BBX: variants seen among roughly 807,000 people sequenced by gnomAD.
BBX encodes BBX high mobility group box domain containing, also known as HMG box transcription factor BBX.
A neutral mutation model predicts 100.2 loss-of-function variants in BBX; 30 were observed. The observed-to-expected ratio is 0.30, with a 90% CI of 0.22 to 0.41. The LOEUF (loss-of-function observed/expected upper bound fraction) is 0.41, where lower values mean the gene tolerates loss of function less well. BBX is among the 10% of genes least tolerant of loss of function. BBX has a pLI of 1.00. For synonymous variants in BBX, 376 were observed against 388.1 expected, an observed-to-expected ratio of 0.97 and a Z score of 0.37; for missense variants, 1,023 against 1,129.8, an observed-to-expected ratio of 0.91 and a Z score of 1.35.
intron 5 of BBX, among the ~76,000 whole-genome samples, chr3:107,717,662 A>G (rs977524428): frequency 2.0e-5 from 3 of 152,130 alleles, no homozygotes; most frequent in African/African-American, 4.8e-5. Context: ...GAAAGGTGGG[A>G]CATTAATCAC....
intron 4 of BBX, chr3:107,711,164 C>G (rs1209228889): frequency 5.8e-6 from 2 of 343,442 alleles, no homozygotes; most frequent in African/African-American, 4.4e-5. Context: ...GAAATCGTCT[C>G]AAGTGTTCGT....
intron 3 of BBX, among the ~76,000 whole-genome samples, chr3:107,706,810 A>G (rs2107264130): frequency 1.3e-5 from 2 of 152,258 alleles, no homozygotes; most frequent in South Asian, 4.1e-4. Context: ...CCTCCTCCTC[A>G]TTGTTGAAGT....
intron 2 of BBX, among the ~76,000 whole-genome samples, chr3:107,568,362 T>A (rs1559821492): frequency 6.6e-6 from 1 of 151,772 alleles, no homozygotes; most frequent in South Asian, 2.1e-4. Context: ...CCTCCCAGAT[T>A]CACGCCATTC....
At chr3:107,627,314 T>G (rs2056251946) in intron 2 of BBX, among the ~76,000 whole-genome samples, 1 of 152,230 alleles carries the variant, frequency 6.6e-6, no homozygotes, top group African/African-American at 2.4e-5. Flanking sequence ...AATTTCTGGC[T>G]GTTTCCCAAA....
At chr3:107,611,345 T>C (rs965464877) in intron 2 of BBX, among the ~76,000 whole-genome samples, 2 of 152,198 alleles carry the variant, frequency 1.3e-5, no homozygotes, top group Non-Finnish European at 2.9e-5. Context: ...TTCCTTCAAA[T>C]GATTTCTTCT....
At chr3:107,600,790 C>A (rs1475640867) in intron 2 of BBX, among the ~76,000 whole-genome samples, 1 of 152,130 alleles carries the variant, frequency 6.6e-6, no homozygotes, top group Non-Finnish European at 1.5e-5. Flanking sequence ...GGGAAGTAAA[C>A]CTAATACAGG....
intron 2 of BBX, among the ~76,000 whole-genome samples, chr3:107,602,166 A>G (rs550353066): frequency 2.0e-4 from 31 of 152,326 alleles, no homozygotes; most frequent in African/African-American, 2.9e-4. Flanking sequence ...CTCATTGACT[A>G]TGTACCTAGT....
chr3:107,704,914 G>A (rs1277735010), intron 3 of BBX, among the ~76,000 whole-genome samples: 4 of 152,134 alleles, frequency 2.6e-5, no homozygotes, highest in South Asian at 2.1e-4. Flanking sequence ...TATTTGACCC[G>A]GGTCTTGGAG....
rs938794341 is a variant in BBX, at chr3:107,716,844, A to G, written c.400A>G (p.Lys134Glu). Residue 134 changes from lysine to glutamate, a missense_variant, in exon 5 of 18, where the codon AAG (lysine) becomes GAG (glutamate). Coordinates refer to ENST00000325805, the MANE Select transcript of BBX (RefSeq NM_001142568.3). ...AAAGCAGAAATACACAGACATGGCC[A>G]AGGAGGTAGGTTACAATGACAAGGT... ...KEKQKYTDMA[K>E]EYKDAFMKAN... 23 of 1,613,076 alleles carry G rather than the reference A, an allele frequency of 1.4e-5. No individual in the cohort carries two copies. Among genetic ancestry groups the G allele is most frequent in the Non-Finnish European group, 1.9e-5 (22 of 1,179,326 alleles).
intron 11 of BBX, among the ~76,000 whole-genome samples, chr3:107,774,510 A>G (rs1184618390): frequency 1.3e-5 from 2 of 152,150 alleles, no homozygotes; most frequent in African/African-American, 4.8e-5. Flanking sequence ...TTACATGACA[A>G]TTAATCCCAG....
At position 107,640,338 on chromosome 3, in the gene BBX, T is replaced by C. The variant is rs1019409086; in HGVS notation, c.-83-5498T>C. Among the ~76,000 whole-genome samples the C allele has an allele frequency of 3.3e-5, 5 of 152,318 alleles. No homozygotes were observed. The East Asian group carries it at 5.8e-4, about 18-fold the overall frequency. ...ACGTGAACCCTGTACTTCAACCAGA[T>C]CTGCTGCATATGCCTCCTATCCCTT... is the stretch of plus-strand genomic sequence containing the variant. On this transcript the variant is annotated intron_variant, in intron 2 of 17. Coordinates refer to ENST00000325805, the MANE Select transcript of BBX (RefSeq NM_001142568.3).
At chr3:107,530,346 C>T (rs1424634408) in intron 2 of BBX, among the ~76,000 whole-genome samples, 1 of 152,070 alleles carries the variant, frequency 6.6e-6, no homozygotes, top group Non-Finnish European at 1.5e-5. Context: ...GATTGTGCCA[C>T]AGCACTCCAG....
chr3:107,605,386 T>TGG (rs1553742657), intron 2 of BBX, among the ~76,000 whole-genome samples: 39 of 149,318 alleles, frequency 2.6e-4, no homozygotes, highest in African/African-American at 9.1e-4. Context: ...TTTTTTTTTT[T>TGG]GGGGGGGGGA....
chr3:107,724,715 T>C (rs1172403261), intron 5 of BBX, among the ~76,000 whole-genome samples: 2 of 152,152 alleles, frequency 1.3e-5, no homozygotes, highest in Non-Finnish European at 2.9e-5. Flanking sequence ...ATCAGATAGT[T>C]GTAGATGTGT....
Position 107,745,183 on chromosome 3 carries a change from T to G in BBX, c.750+473T>G, listed in dbSNP as rs1326699474. Among the ~76,000 whole-genome samples the G allele has an allele frequency of 2.0e-5, 3 of 152,336 alleles. No homozygotes were observed. The East Asian group carries it at 5.8e-4, about 29-fold the overall frequency. On this transcript the variant is annotated intron_variant, in intron 8 of 17. Transcript: ENST00000325805. ...TTTCAAAGTCTTCTTTTGTCAGACT[T>G]GTTCAGCTCAATAGGTCTCTTGACA...
intron 7 of BBX, among the ~76,000 whole-genome samples, chr3:107,741,361 A>G (rs1161480274): frequency 1.3e-5 from 2 of 152,156 alleles, no homozygotes; most frequent in Non-Finnish European, 2.9e-5. Flanking sequence ...AATTATACTA[A>G]TCACTCCCCT....
chr3:107,773,006 A>G lies in BBX; in HGVS notation c.1285A>G (p.Met429Val). 6.2e-7 allele frequency: 1 copy of G among 1,614,160 alleles called. No individual in the cohort carries two copies. The change falls in exon 11 of 18, where the codon ATG (methionine) becomes GTG (valine). Residue 429 changes from methionine to valine, a missense_variant. Physicochemically the swap from Met to Val is conservative, Grantham distance 21 (BLOSUM62 1). Coordinates refer to ENST00000325805, the MANE Select transcript of BBX (RefSeq NM_001142568.3). The surrounding 1 kb of genome is among the most constrained non-coding windows in gnomAD (Gnocchi z 4.1). The part of the protein sequence containing the change: ...ISDVPSRKDH[M>V]CHPHGIMIIE... ...TGATGTTCCCAGTAGAAAGGATCATATGTGCCATCCTCATGGAATTATGAT... is the reference window on the plus strand; with the variant it reads ...TGATGTTCCCAGTAGAAAGGATCATGTGTGCCATCCTCATGGAATTATGAT...
rs937929863 is a variant in BBX at position 107,568,999 on chromosome 3, C to A, written c.-84+42601C>A. Reference sequence around the variant, plus strand: ...TGTGTTGTGGCTGGTTACCTGATTCCTCTGAGCTTCAATTTTCTAGCAAAA... The same window carrying A: ...TGTGTTGTGGCTGGTTACCTGATTCATCTGAGCTTCAATTTTCTAGCAAAA... On this transcript the variant is annotated intron_variant, in intron 2 of 17. Coordinates refer to ENST00000325805, the MANE Select transcript of BBX (RefSeq NM_001142568.3). 2.6e-5 allele frequency among the ~76,000 whole-genome samples: 4 copies of A among 152,290 alleles called. No homozygotes were observed. In the East Asian group the frequency reaches 7.7e-4, roughly 29 times the overall value.
chr3:107,805,342 G>C (rs945304499), intron 17 of BBX, 28 bp from the exon 18 acceptor site: 1 of 1,596,530 alleles, frequency 6.3e-7, no homozygotes, highest in Admixed American at 1.7e-5. Flanking sequence ...TGCTGAATAA[G>C]TGACTTTTTC....
Sources: allele counts gnomAD v4.1 joint callset (sites outside exome capture counted in the v4.1 genomes callset), GRCh38; gene constraint gnomAD v4.1.1; non-coding constraint Gnocchi (gnomAD v3.1); transcripts MANE v1.5; gene names NCBI Gene and HGNC (gene_info 2026-07-23, HGNC 2026-07-21).